Variants in DNAH3 observed in about 807,000 individuals in gnomAD.
DNAH3 encodes axonemal beta dynein heavy chain 3.
A neutral mutation model predicts 432.5 loss-of-function variants in DNAH3; 332 were observed. The ratio of observed to expected loss-of-function variants is 0.77; its 90% CI spans 0.70 to 0.84. DNAH3 has a LOEUF of 0.84. DNAH3 is among the 40% of genes least tolerant of loss of function. The pLI is 0.00. For synonymous variants in DNAH3, 1,956 were observed against 1,900.2 expected, an observed-to-expected ratio of 1.03 and a Z score of -0.76; for missense variants, 4,861 against 5,114.0, an observed-to-expected ratio of 0.95 and a Z score of 1.51.
intron 34 of DNAH3, 69 bp downstream of exon 34, chr16:21,037,692 C>A: frequency 7.0e-7 from 1 of 1,419,262 alleles, no homozygotes; most frequent in Non-Finnish European, 9.8e-7. Context: ...GGGGAAGGCA[C>A]CAAACACAAC....
intron 44 of DNAH3, among the ~76,000 whole-genome samples, chr16:20,992,031 AAGTC>A (rs1397708464): frequency 5.9e-5 from 9 of 152,198 alleles, no homozygotes; most frequent in Admixed American, 6.6e-5. Flanking sequence ...TCATACAAGA[AAGTC>A]AGGGTGTCAG....
chr16:20,935,530 A>G (rs571345404), intron 60 of DNAH3, 45 bp from the exon 61 acceptor site: 1 of 1,591,828 alleles, frequency 6.3e-7, no homozygotes, highest in East Asian at 2.2e-5. Flanking sequence ...CAACACATCA[A>G]AGATAGTTCA....
At chr16:20,969,799 A>T (rs780707216) in exon 52 of DNAH3, 9 of 1,614,014 alleles carry the variant, frequency 5.6e-6, no homozygotes, top group African/African-American at 1.3e-5. Flanking sequence ...TACCGGAGCC[A>T]CTGGGGTCTG....
At chr16:21,005,797 C>G (rs192521183) in intron 41 of DNAH3, among the ~76,000 whole-genome samples, 2 of 150,438 alleles carry the variant, frequency 1.3e-5, no homozygotes, top group Admixed American at 6.6e-5. Context: ...TAGTCTATGT[C>G]ATATTTTCTT....
intron 59 of DNAH3, among the ~76,000 whole-genome samples, 164 bp from the exon 60 acceptor site, chr16:20,937,017 T>G (rs2083616646): frequency 6.6e-6 from 1 of 152,234 alleles, no homozygotes; most frequent in Non-Finnish European, 1.5e-5. Context: ...ATAACGTTGA[T>G]GTATATCTTT....
chr16:21,020,817 C>A (rs920353090), intron 40 of DNAH3, among the ~76,000 whole-genome samples: 3 of 152,126 alleles, frequency 2.0e-5, no homozygotes, highest in Non-Finnish European at 2.9e-5. Flanking sequence ...GTGCGACCAT[C>A]ACCACCATCT....
intron 44 of DNAH3, 130 bp from the exon 45 acceptor site, chr16:20,988,195 G>T (rs1718114832): frequency 9.7e-7 from 1 of 1,034,992 alleles, no homozygotes; most frequent in Admixed American, 2.3e-5. Context: ...GTGCAATATG[G>T]CAACCTCTAG....
chr16:21,124,082 G>A (rs1281176005), intron 9 of DNAH3, among the ~76,000 whole-genome samples: 4 of 152,122 alleles, frequency 2.6e-5, no homozygotes, highest in Non-Finnish European at 5.9e-5. Context: ...GTGAGCCACC[G>A]TGCCTGGCCA....
chr16:20,958,054 T>C (rs1382552994), intron 54 of DNAH3, among the ~76,000 whole-genome samples: 3 of 151,226 alleles, frequency 2.0e-5, no homozygotes, highest in Non-Finnish European at 4.4e-5. Context: ...GGACAAATGA[T>C]ACCTGGAAAA....
chr16:21,127,953 G>T, intron 7 of DNAH3, 141 bp from the exon 9 acceptor site: 1 of 1,062,838 alleles, frequency 9.4e-7, no homozygotes, highest in Non-Finnish European at 1.4e-6. Context: ...TGGGAAAGAT[G>T]CTGAGGAGGA....
Position 21,085,058 on chromosome 16 carries a change from C to T in DNAH3, c.2877+1791G>A, listed in dbSNP as rs150537774. Among the ~76,000 whole-genome samples, 13 of 151,660 alleles carry T rather than the reference C, an allele frequency of 8.6e-5. 1 individual carries two copies. The highest frequency in any genetic ancestry group is 3.9e-4 in the Admixed American group (6 of 15,198). ...CCAGCTGACAGCAACTCCTCCTCTG[C>T]GGATCCCTCTGCTGGGGCGTTTCAA... is the stretch of plus-strand genomic sequence containing the variant. On this transcript the variant is annotated intron_variant, in intron 19 of 61. Coordinates refer to ENST00000261383, the Ensembl canonical transcript of DNAH3.
At chr16:21,022,069 G>A in exon 40 of DNAH3, 2 of 1,614,014 alleles carry the variant, frequency 1.2e-6, no homozygotes, top group Non-Finnish European at 1.7e-6. Context: ...TTCCAGGCAG[G>A]GCTGGACAAG....
At chr16:20,985,596 C>G in exon 48 of DNAH3, 9 of 1,614,226 alleles carry the variant, frequency 5.6e-6, no homozygotes, top group Non-Finnish European at 7.6e-6. Context: ...TCAGCTGTTT[C>G]AGGTCAGTGA....
intron 54 of DNAH3, among the ~76,000 whole-genome samples, chr16:20,956,868 C>T (rs903962709): frequency 6.6e-6 from 1 of 152,082 alleles, no homozygotes; most frequent in Non-Finnish European, 1.5e-5. Flanking sequence ...GGATTACAGA[C>T]ATGCACCACC....
chr16:21,092,697 G>GAA (rs2091569904), intron 18 of DNAH3, among the ~76,000 whole-genome samples: 1 of 2,216 alleles, frequency 4.5e-4, no homozygotes, highest in Non-Finnish European at 9.1e-4. Context: ...GAAAATATTT[G>GAA]CAAAAAAAAA....
In DNAH3 at chr16:20,989,711, G is replaced by A. The variant is rs185947189; in HGVS notation, c.6602-1646C>T. Among the ~76,000 whole-genome samples the A allele has an allele frequency of 1.7e-3, 260 of 152,364 alleles. 1 individual carries two copies. The highest frequency in any genetic ancestry group is 5.6e-3 in the African/African-American group (233 of 41,596). ...AGCAGGGGGTGGTGCTCGTCGGGGA[G>A]GCTTGGGCCGCACAGAGCCCATGGA... On this transcript the variant is annotated intron_variant, in intron 44 of 61. Transcript: ENST00000261383.
chr16:20,944,565 G>T, exon 58 of DNAH3: 1 of 1,614,140 alleles, frequency 6.2e-7, no homozygotes, highest in Non-Finnish European at 8.5e-7. Context: ...ACAGCTGGTT[G>T]GTTTCCTGGT....
In DNAH3 at chr16:21,067,159, G is replaced by A. The variant is rs554918289; in HGVS notation, c.3518+124C>T. The A allele has an allele frequency of 1.6e-4, 176 of 1,105,376 alleles. 4 individuals carry two copies. The South Asian group carries it at 2.2e-3, about 14-fold the overall frequency. 68.5% of individuals were successfully genotyped at this position (1,105,376 alleles called of 1,614,324 possible). On this transcript the variant is annotated intron_variant, in intron 24 of 61. Coordinates refer to ENST00000261383, the Ensembl canonical transcript of DNAH3. ...CCCCATTCCTGAAAACTGTCTTGGA[G>A]AATGGAAAACCAGGAAAGAGTATGG... is the stretch of plus-strand genomic sequence containing the variant.
intron 25 of DNAH3, among the ~76,000 whole-genome samples, chr16:21,061,393 C>T (rs1439465920): frequency 1.3e-5 from 2 of 151,608 alleles, no homozygotes; most frequent in Non-Finnish European, 2.9e-5. Flanking sequence ...TGCCACTACA[C>T]CTGGCTTTTT....
Sources: allele counts gnomAD v4.1 joint callset (sites outside exome capture counted in the v4.1 genomes callset), GRCh38; gene constraint gnomAD v4.1.1; transcripts MANE v1.5; gene names NCBI Gene and HGNC (gene_info 2026-07-23, HGNC 2026-07-21).